The following HERC3 variants were observed in gnomAD, a reference collection of about 807,000 sequenced individuals.
The protein encoded by HERC3 is HECT and RLD domain containing E3 ubiquitin protein ligase 3.
In HERC3, 58 loss-of-function variants were observed where a neutral mutation model predicts 129.9. That is an observed-to-expected ratio of 0.45 (90% confidence interval 0.36 to 0.56). The LOEUF (loss-of-function observed/expected upper bound fraction) is 0.56. Among genes scored for constraint, HERC3 ranks in the 20% least tolerant of loss-of-function variants. HERC3 has a pLI of 0.00. For missense variants in HERC3, 835 were observed against 1,244.2 expected, an observed-to-expected ratio of 0.67 and a Z score of 4.95; for synonymous variants, 430 against 451.0, an observed-to-expected ratio of 0.95 and a Z score of 0.59.
the HERC3 span, among the ~76,000 whole-genome samples, chr4:88,558,263 A>G: frequency 6.6e-6 from 1 of 152,128 alleles, no homozygotes; most frequent in East Asian, 1.9e-4. Flanking sequence ...GTGCCCCTCG[A>G]CCAATGAGTG....
At chr4:88,583,702 C>A in the HERC3 span, 10 of 152,190 alleles carry the variant, frequency 6.6e-5, no homozygotes, top group African/African-American at 2.4e-4. Context: ...TTTGTAAAAA[C>A]AGATTTGGCT....
At chr4:88,697,010 C>G (rs1408607460) in intron 23 of HERC3, 2 of 499,872 alleles carry the variant, frequency 4.0e-6, no homozygotes, top group Non-Finnish European at 6.8e-6. Flanking sequence ...TTATTATGTT[C>G]AAAATGAAAG....
chr4:88,634,645 G>A (rs1214249172), intron 3 of HERC3, among the ~76,000 whole-genome samples: 2 of 150,652 alleles, frequency 1.3e-5, no homozygotes, highest in Non-Finnish European at 3.0e-5. Context: ...TAGCCAAAGT[G>A]CTTTGTTAAA....
rs749104811 is a variant in HERC3, at chr4:88,685,752, A to C, written c.2508-984A>C. ...TGCACGTTCTGCACAAGTATCCCAG[A>C]ACTTAAAGTAAAATAATAATAATAA... On this transcript the variant is annotated intron_variant, in intron 21 of 25. Transcript: ENST00000402738. Among the ~76,000 whole-genome samples, 67 of 150,074 alleles carry C rather than the reference A, an allele frequency of 4.5e-4. 1 individual carries two copies. The highest frequency in any genetic ancestry group is 1.6e-4 in the Non-Finnish European group (11 of 67,236).
intron 3 of HERC3, among the ~76,000 whole-genome samples, chr4:88,614,530 G>C (rs1485208865): frequency 6.6e-6 from 1 of 151,930 alleles, no homozygotes; most frequent in Non-Finnish European, 1.5e-5. Flanking sequence ...ATATGATCAA[G>C]GTACTTTGGT....
chr4:88,623,556 G>A (rs773428868), intron 3 of HERC3, among the ~76,000 whole-genome samples: 7 of 152,094 alleles, frequency 4.6e-5, no homozygotes, highest in African/African-American at 1.4e-4. Flanking sequence ...TCTCCCACTC[G>A]CAGTCTGGGT....
chr4:88,676,297 A>C (rs1560750771), intron 17 of HERC3, 37 bp from the exon 18 acceptor site: 1 of 1,554,772 alleles, frequency 6.4e-7, no homozygotes, highest in Non-Finnish European at 8.9e-7. Flanking sequence ...CTTTCTGTGG[A>C]ATAGTATAAT....
chr4:88,684,071 T>A (rs1311601049), intron 21 of HERC3, among the ~76,000 whole-genome samples: 5 of 152,198 alleles, frequency 3.3e-5, no homozygotes, highest in African/African-American at 1.2e-4. Flanking sequence ...TTCAGTACTA[T>A]TCCCATCAAG....
At chr4:88,531,465 AT>A in the HERC3 span, among the ~76,000 whole-genome samples, 1 of 152,252 alleles carries the variant, frequency 6.6e-6, no homozygotes, top group Non-Finnish European at 1.5e-5. Context: ...TCACAAGAAA[AT>A]ATCCAGATAA....
At chr4:88,689,523 C>A (rs1355694980) in intron 23 of HERC3, among the ~76,000 whole-genome samples, 22 of 128,426 alleles carry the variant, frequency 1.7e-4, no homozygotes, top group African/African-American at 2.7e-4. Flanking sequence ...CATCTCCCCC[C>A]GCCCCCGCCA....
chr4:88,618,629 C>T (rs1406450218), intron 3 of HERC3, among the ~76,000 whole-genome samples: 1 of 152,040 alleles, frequency 6.6e-6, no homozygotes, highest in Non-Finnish European at 1.5e-5. Context: ...GAGATGTTTC[C>T]CTTACCCCAG....
intron 3 of HERC3, among the ~76,000 whole-genome samples, chr4:88,633,321 G>A (rs151005405): frequency 1.5e-3 from 228 of 152,228 alleles, no homozygotes; most frequent in African/African-American, 5.2e-3. Context: ...GATTTATCTG[G>A]GAATATAATA....
intron 23 of HERC3, chr4:88,693,003 C>CT: frequency 1.0e-6 from 1 of 976,818 alleles, no homozygotes; most frequent in Non-Finnish European, 1.2e-6. Flanking sequence ...AACTAATATA[C>CT]ATATGGAATG....
the HERC3 span, among the ~76,000 whole-genome samples, chr4:88,579,785 T>C: frequency 2.0e-5 from 3 of 152,340 alleles, no homozygotes; most frequent in East Asian, 5.8e-4. Flanking sequence ...AAGGAGACTA[T>C]CTTGGATGAA....
chr4:88,697,720 G>C (rs1336004716), intron 23 of HERC3: 8 of 1,611,526 alleles, frequency 5.0e-6, no homozygotes, highest in Non-Finnish European at 5.9e-6. Flanking sequence ...CGCCTGGCTA[G>C]GCTCCGCAGG....
chr4:88,550,980 G>A, the HERC3 span, among the ~76,000 whole-genome samples: 9 of 144,950 alleles, frequency 6.2e-5, no homozygotes, highest in Admixed American at 1.4e-4. Context: ...AAATAATGCC[G>A]CATATCTACA....
intron 3 of HERC3, among the ~76,000 whole-genome samples, chr4:88,615,029 A>G (rs1724748998): frequency 6.6e-6 from 1 of 152,196 alleles, no homozygotes. Context: ...ACCTACACAC[A>G]TTATAAGGTT....
At chr4:88,592,698 C>T (rs1253476161) in intron 1 of HERC3, 124 bp downstream of exon 1, 1 of 152,662 alleles carries the variant, frequency 6.6e-6, no homozygotes, top group African/African-American at 2.4e-5. Flanking sequence ...TGCGGCTCCT[C>T]CCGTGGCTCC....
At chr4:88,607,206 C>T (rs1723757019) in intron 3 of HERC3, among the ~76,000 whole-genome samples, 1 of 151,620 alleles carries the variant, frequency 6.6e-6, no homozygotes, top group African/African-American at 2.4e-5. Flanking sequence ...TATGCATGTG[C>T]ACTTGGGTGT....
Sources: allele counts gnomAD v4.1 joint callset (sites outside exome capture counted in the v4.1 genomes callset), GRCh38; gene constraint gnomAD v4.1.1; transcripts MANE v1.5; gene names NCBI Gene and HGNC (gene_info 2026-07-23, HGNC 2026-07-21).